The following GPHN variants were observed in gnomAD, a reference collection of about 807,000 sequenced individuals.
The protein encoded by GPHN is gephyrin.
Under a neutral mutation model 95.5 loss-of-function variants are expected in GPHN, and 17 were observed. The ratio of observed to expected loss-of-function variants is 0.18; its 90% CI spans 0.12 to 0.27. The LOEUF (loss-of-function observed/expected upper bound fraction) is 0.27, where lower values mean the gene tolerates loss of function less well. Ranked by LOEUF, GPHN falls within the 10% of genes least tolerant of loss-of-function variation. The pLI is 1.00. For synonymous variants in GPHN, 320 were observed against 322.5 expected, an observed-to-expected ratio of 0.99 and a Z score of 0.08; for missense variants, 660 against 978.1, an observed-to-expected ratio of 0.67 and a Z score of 4.34.
At chr14:66,656,800 T>C (rs2065332074) in intron 1 of GPHN, among the ~76,000 whole-genome samples, 1 of 152,190 alleles carries the variant, frequency 6.6e-6, no homozygotes, top group African/African-American at 2.4e-5. Context: ...TTCCACTTAA[T>C]GACCATTTCC....
intron 1 of GPHN, among the ~76,000 whole-genome samples, chr14:66,647,846 A>T (rs1035330798): frequency 6.6e-6 from 1 of 152,170 alleles, no homozygotes; most frequent in African/African-American, 2.4e-5. Flanking sequence ...AAAATGTTTT[A>T]AAAATATTCA....
At chr14:67,186,583 G>A (rs2083369976), downstream of GPHN, among the ~76,000 whole-genome samples, 1 of 152,158 alleles carries the variant, frequency 6.6e-6, no homozygotes, top group Non-Finnish European at 1.5e-5. Flanking sequence ...GATGGAGCCA[G>A]GACTCAGCCC....
At chr14:67,481,710 G>A in the GPHN span, among the ~76,000 whole-genome samples, 146 of 152,248 alleles carry the variant, frequency 9.6e-4, 2 homozygotes, top group African/African-American at 3.4e-3. Flanking sequence ...ACCCCATACA[G>A]GGCCTGACAG....
chr14:67,397,594 C>T, the GPHN span: 1 of 1,372,274 alleles, frequency 7.3e-7, no homozygotes, highest in Non-Finnish European at 1.0e-6. Flanking sequence ...ACACCACTTT[C>T]CCAAAGAGGC....
the GPHN span, among the ~76,000 whole-genome samples, chr14:67,256,823 CAT>C: frequency 0.013 from 1,952 of 152,024 alleles, 19 homozygotes; most frequent in Non-Finnish European, 0.019. Context: ...CACACACACA[CAT>C]GAAACTGATA....
chr14:66,593,644 C>T (rs1432989215), intron 1 of GPHN, among the ~76,000 whole-genome samples: 2 of 152,078 alleles, frequency 1.3e-5, no homozygotes, highest in East Asian at 3.8e-4. Flanking sequence ...GGTGGGGACA[C>T]AAAGCCAAAT....
the GPHN span, among the ~76,000 whole-genome samples, chr14:67,463,511 C>T: frequency 9.2e-4 from 139 of 151,872 alleles, no homozygotes; most frequent in Middle Eastern, 6.8e-3. Flanking sequence ...TGGCGGCACG[C>T]GCCTGTAGTC....
chr14:67,213,644 T>G, the GPHN span, among the ~76,000 whole-genome samples: 1 of 152,284 alleles, frequency 6.6e-6, no homozygotes, highest in South Asian at 2.1e-4. Flanking sequence ...TGTGTCTTTA[T>G]AGCAGCATGA....
the GPHN span, chr14:67,303,529 T>C: frequency 1.9e-6 from 3 of 1,612,712 alleles, no homozygotes; most frequent in Non-Finnish European, 1.7e-6. Flanking sequence ...CAGTCTGATA[T>C]GCATGGTACT....
chr14:66,800,939 ATTCT>A (rs754125704), intron 3 of GPHN, among the ~76,000 whole-genome samples: 1 of 152,074 alleles, frequency 6.6e-6, no homozygotes, highest in Non-Finnish European at 1.5e-5. Flanking sequence ...AAGCTCACTA[ATTCT>A]TTCTTCTGCT....
intron 3 of GPHN, among the ~76,000 whole-genome samples, chr14:66,810,434 T>C (rs1217669790): frequency 1.3e-5 from 2 of 151,838 alleles, no homozygotes; most frequent in African/African-American, 4.8e-5. Context: ...CCATGTCTAA[T>C]TATTTGTCTA....
intron 17 of GPHN, 54 bp from the exon 18 acceptor site, chr14:67,143,308 A>G (rs1225561968): frequency 7.3e-6 from 8 of 1,094,282 alleles, no homozygotes; most frequent in South Asian, 1.2e-5. Flanking sequence ...AGTTGGCACT[A>G]TATCTAAAAT....
At chr14:67,725,830 T>C in the GPHN span, among the ~76,000 whole-genome samples, 2 of 152,212 alleles carry the variant, frequency 1.3e-5, no homozygotes, top group African/African-American at 4.8e-5. Flanking sequence ...GTGACAATGC[T>C]TATTGGATGT....
the GPHN span, among the ~76,000 whole-genome samples, chr14:67,700,731 A>AT: frequency 1.2e-4 from 18 of 146,532 alleles, no homozygotes; most frequent in African/African-American, 4.5e-4. Context: ...AAAAAAAAAA[A>AT]TTACAGAAGT....
chr14:66,884,331 CACTGTGT>C (rs1185313427), intron 5 of GPHN, among the ~76,000 whole-genome samples: 1 of 152,030 alleles, frequency 6.6e-6, no homozygotes, highest in African/African-American at 2.4e-5. Flanking sequence ...ATCAGGTAAT[CACTGTGT>C]ACTCTATAAA....
intron 1 of GPHN, among the ~76,000 whole-genome samples, chr14:66,634,320 G>A (rs2063987515): frequency 6.6e-6 from 1 of 151,660 alleles, no homozygotes; most frequent in Non-Finnish European, 1.5e-5. Flanking sequence ...TTTTCGCATT[G>A]GTTCTCGGTG....
intron 20 of GPHN, 71 bp from the exon 21 acceptor site, chr14:67,168,862 T>C (rs1329086410): frequency 1.0e-6 from 1 of 984,368 alleles, no homozygotes. Flanking sequence ...TACCCAAAGA[T>C]ATAGACAGAC....
the GPHN span, among the ~76,000 whole-genome samples, chr14:67,239,959 CTT>C: frequency 6.6e-6 from 1 of 152,142 alleles, no homozygotes; most frequent in Non-Finnish European, 1.5e-5. Flanking sequence ...ATCCTGGAGA[CTT>C]TATCTGGATT....
At chr14:67,193,669 A>G in the GPHN span, among the ~76,000 whole-genome samples, 2 of 148,944 alleles carry the variant, frequency 1.3e-5, no homozygotes, top group Non-Finnish European at 3.0e-5. Flanking sequence ...TAGGCCAAGC[A>G]CAGTGGCTCA....
Sources: allele counts gnomAD v4.1 joint callset (sites outside exome capture counted in the v4.1 genomes callset), GRCh38; gene constraint gnomAD v4.1.1; transcripts MANE v1.5; gene names NCBI Gene and HGNC (gene_info 2026-07-23, HGNC 2026-07-21).